Variants in OTOG observed in about 807,000 individuals in gnomAD.
OTOG encodes otogelin.
Under a neutral mutation model 313.8 loss-of-function variants are expected in OTOG, and 296 were observed. That is an observed-to-expected ratio of 0.94 (90% CI 0.86 to 1.04). The LOEUF (loss-of-function observed/expected upper bound fraction) is 1.04, where lower values mean the gene tolerates loss of function less well. Ranked by LOEUF, OTOG falls within the 50% of genes least tolerant of loss-of-function variation. The pLI, the probability that OTOG is intolerant of heterozygous loss-of-function variation, is 0.00. For synonymous variants in OTOG, 1,533 were observed against 1,554.9 expected (o/e 0.99, Z 0.33); for missense variants, 3,948 against 3,840.1 (o/e 1.03, Z -0.74).
rs866842104 is a variant in OTOG, at chr11:17,587,626, T to C, written c.2867+1045T>C. Among the ~76,000 whole-genome samples, 4 of 152,274 alleles carry C rather than the reference T, an allele frequency of 2.6e-5. No individual in the cohort carries two copies. In the Middle Eastern group the frequency reaches 0.01, roughly 388 times the overall value. ...AGGAAGGCCATAGTGTTTCTTTCTG[T>C]GTTAGAAGCAGGGTCACGGTCAAGC... On this transcript the variant is annotated intron_variant, in intron 24 of 55. Coordinates refer to ENST00000399397, the MANE Select transcript of OTOG (RefSeq NM_001292063.2).
rs1379875480 is a variant in OTOG, at chr11:17,576,891, G to C, written c.2585G>C (p.Ser862Thr). 1.3e-6 allele frequency: 2 copies of C among 1,550,530 alleles called. No homozygotes were observed. The highest frequency in any genetic ancestry group is 2.4e-5 in the South Asian group (2 of 84,024). Reference protein sequence around the residue: ...GHCHCKDGVMSCDSRAPAAAC... With the variant: ...GHCHCKDGVMTCDSRAPAAAC... ...AGCCACTGCAAAGATGGAGTCATGAGCTGTGATAGCAGAGCCCCAGGTAAG... is the reference window on the plus strand; with the variant it reads ...AGCCACTGCAAAGATGGAGTCATGACCTGTGATAGCAGAGCCCCAGGTAAG... The change falls in exon 22 of 56, where the codon AGC becomes ACC. Residue 862 changes from serine to threonine, a missense_variant. Ser to Thr is a moderately conservative substitution (Grantham distance 58). Coordinates refer to ENST00000399397, the MANE Select transcript of OTOG (RefSeq NM_001292063.2).
intron 39 of OTOG, 145 bp downstream of exon 39, chr11:17,613,846 T>G: frequency 1.5e-6 from 1 of 655,872 alleles, no homozygotes; most frequent in Non-Finnish European, 2.7e-6. Flanking sequence ...TAATGCAAAA[T>G]TAGGTATATT....
Position 17,629,167 on chromosome 11 carries a change from T to C in OTOG, c.6563T>C (p.Val2188Ala), listed in dbSNP as rs1159537033. The C allele has an allele frequency of 1.2e-5, 19 of 1,550,534 alleles. No homozygotes were observed. In the Admixed American group the frequency reaches 2.4e-4, roughly 19 times the overall value. The change falls in exon 40 of 56, where the codon GTG becomes GCG. Residue 2188 changes from valine (V) to alanine (A), a missense_variant. Coordinates refer to ENST00000399397, the MANE Select transcript of OTOG (RefSeq NM_001292063.2). ...GACTTGCAGCCTGTGTGGCCACCGG[T>C]GAGCAGGTATGGATTCAGAATTGAG... is the stretch of plus-strand genomic sequence containing the variant. ...TVDLQPVWPPVSRYGFRIEDT... is the reference protein window; with the variant it reads ...TVDLQPVWPPASRYGFRIEDT...
chr11:17,551,127 A>G (rs772870185), intron 3 of OTOG, among the ~76,000 whole-genome samples: 2 of 152,236 alleles, frequency 1.3e-5, no homozygotes, highest in Non-Finnish European at 2.9e-5. Flanking sequence ...TGTTCACTGC[A>G]TCCAGCACAA....
intron 54 of OTOG, among the ~76,000 whole-genome samples, chr11:17,644,486 C>T (rs1276952710): frequency 1.3e-5 from 2 of 152,190 alleles, no homozygotes; most frequent in Non-Finnish European, 2.9e-5. Flanking sequence ...TGTGGAGCGC[C>T]AACTATGTGC....
chr11:17,593,451 A>T, intron 26 of OTOG, 124 bp downstream of exon 26: 2 of 1,422,678 alleles, frequency 1.4e-6, no homozygotes, highest in Non-Finnish European at 1.9e-6. Flanking sequence ...CTGAGTTAGG[A>T]GCCCAGACTG....
At chr11:17,645,079 G>A (rs1288711571) in intron 54 of OTOG, among the ~76,000 whole-genome samples, 2 of 152,210 alleles carry the variant, frequency 1.3e-5, no homozygotes, top group Non-Finnish European at 2.9e-5. Flanking sequence ...GATAGCTATG[G>A]AAACCAAACA....
intron 31 of OTOG, 141 bp downstream of exon 31, chr11:17,599,838 A>G: frequency 1.0e-6 from 1 of 993,816 alleles, no homozygotes; most frequent in Non-Finnish European, 1.5e-6. Flanking sequence ...CCCATCATGC[A>G]GAGAGAGCCC....
intron 49 of OTOG, among the ~76,000 whole-genome samples, chr11:17,640,317 C>A (rs1168763535): frequency 6.6e-6 from 1 of 152,170 alleles, no homozygotes; most frequent in East Asian, 1.9e-4. Flanking sequence ...AGAGATCATG[C>A]TCTTAGCCAC....
At chr11:17,602,990 G>C (rs1011564145) in intron 32 of OTOG, among the ~76,000 whole-genome samples, 4 of 152,226 alleles carry the variant, frequency 2.6e-5, no homozygotes, top group African/African-American at 7.2e-5. Flanking sequence ...GTAAGAAGGA[G>C]TCAGGAAGGG....
At chr11:17,581,247 G>C (rs1852658931) in intron 23 of OTOG, among the ~76,000 whole-genome samples, 1 of 152,166 alleles carries the variant, frequency 6.6e-6, no homozygotes, top group Non-Finnish European at 1.5e-5. Context: ...GAGGAGTTCA[G>C]CCTCCAGATC....
At chr11:17,607,164 G>A (rs1278692852) in intron 33 of OTOG, among the ~76,000 whole-genome samples, 2 of 152,250 alleles carry the variant, frequency 1.3e-5, no homozygotes, top group Admixed American at 1.3e-4. Context: ...GCTTTGCCTT[G>A]TGCTGGCACA....
At chr11:17,549,816 G>A (rs1370787379) in intron 3 of OTOG, among the ~76,000 whole-genome samples, 3 of 152,130 alleles carry the variant, frequency 2.0e-5, no homozygotes, top group Non-Finnish European at 4.4e-5. Flanking sequence ...GAGCAACGAG[G>A]AATTAGAATG....
Position 17,622,561 on chromosome 11 carries a change from A to T in OTOG, c.6529-6572A>T, listed in dbSNP as rs564907663. Reference sequence around the variant, plus strand: ...CCCTTCCCCTGTGTCCGTGAGTTCAATTGTCTTGGTTTTTAGATCCCACAC... The same window carrying T: ...CCCTTCCCCTGTGTCCGTGAGTTCATTTGTCTTGGTTTTTAGATCCCACAC... On this transcript the variant is annotated intron_variant, in intron 39 of 55. Coordinates refer to ENST00000399397, the MANE Select transcript of OTOG (RefSeq NM_001292063.2). Among the ~76,000 whole-genome samples the T allele has an allele frequency of 1.3e-4, 19 of 151,952 alleles. No individual in the cohort carries two copies. In the East Asian group the frequency reaches 1.7e-3, roughly 14 times the overall value.
Position 17,559,589 on chromosome 11 carries a change from T to C in OTOG, c.1269T>C (p.Pro423=). Residue 423 remains proline (P), a synonymous_variant, in exon 12 of 56, where the codon CCT becomes CCC. Coordinates refer to ENST00000399397, the MANE Select transcript of OTOG (RefSeq NM_001292063.2). The part of the protein sequence containing the change: ...FTYNECIACC[P]ASCHPRASCV... ...ACAATGAGTGCATCGCCTGCTGCCC[T>C]GCCTCCTGCCATCCCCGGGCATCCT... 6.4e-7 allele frequency: 1 copy of C among 1,550,828 alleles called. No homozygotes were observed. The highest frequency in any genetic ancestry group is 8.7e-7 in the Non-Finnish European group (1 of 1,147,052).
intron 29 of OTOG, 131 bp downstream of exon 29, chr11:17,596,285 C>G (rs1853104849): frequency 1.4e-6 from 1 of 696,438 alleles, no homozygotes; most frequent in South Asian, 1.7e-5. Context: ...CTCTGCCATT[C>G]CCCTGCCTCC....
intron 15 of OTOG, among the ~76,000 whole-genome samples, chr11:17,568,143 G>C (rs575024954): frequency 2.6e-5 from 4 of 152,032 alleles, no homozygotes; most frequent in Non-Finnish European, 1.5e-5. Flanking sequence ...TCCTGACCTC[G>C]TGATCCGCCC....
At chr11:17,587,861 G>T (rs1852837182) in intron 24 of OTOG, among the ~76,000 whole-genome samples, 1 of 152,170 alleles carries the variant, frequency 6.6e-6, no homozygotes, top group Non-Finnish European at 1.5e-5. Context: ...GGAGACTGGG[G>T]ATGGCTGGCC....
intron 39 of OTOG, among the ~76,000 whole-genome samples, chr11:17,626,018 C>T (rs1246894291): frequency 1.3e-5 from 2 of 152,084 alleles, no homozygotes; most frequent in African/African-American, 4.8e-5. Flanking sequence ...CTTCTGCATA[C>T]AGATATCCAG....
Sources: allele counts gnomAD v4.1 joint callset (sites outside exome capture counted in the v4.1 genomes callset), GRCh38; gene constraint gnomAD v4.1.1; transcripts MANE v1.5; gene names NCBI Gene and HGNC (gene_info 2026-07-23, HGNC 2026-07-21).